DOCK2: variants seen among roughly 807,000 people sequenced by gnomAD.
The protein encoded by DOCK2 is dedicator of cytokinesis protein 2.
In DOCK2, 87 loss-of-function variants were observed where a neutral mutation model predicts 248.9. That is an observed-to-expected ratio of 0.35 (90% CI 0.29 to 0.42). The LOEUF (loss-of-function observed/expected upper bound fraction) is 0.42, where lower values mean the gene tolerates loss of function less well. Ranked by LOEUF, DOCK2 falls within the 10% of genes least tolerant of loss-of-function variation. The pLI, the probability that DOCK2 is intolerant of heterozygous loss-of-function variation, is 1.00. For synonymous variants in DOCK2, 805 were observed against 821.6 expected (o/e 0.98, Z 0.35); for missense variants, 1,747 against 2,300.2 (o/e 0.76, Z 4.92).
At chr5:169,826,998 A>G (rs1196018622) in intron 26 of DOCK2, among the ~76,000 whole-genome samples, 1 of 145,604 alleles carries the variant, frequency 6.9e-6, no homozygotes, top group Non-Finnish European at 1.5e-5. Context: ...CTCAGAATCC[A>G]GGACAGAGCG....
At chr5:170,008,845 G>A in intron 32 of DOCK2, 99 bp downstream of exon 32, 1 of 1,394,494 alleles carries the variant, frequency 7.2e-7, no homozygotes, top group Non-Finnish European at 1.0e-6. Flanking sequence ...AGCAGTGGGA[G>A]CATGAAATAA....
intron 3 of DOCK2, among the ~76,000 whole-genome samples, chr5:169,669,694 C>A (rs557936641): frequency 6.6e-6 from 1 of 152,204 alleles, no homozygotes; most frequent in South Asian, 2.1e-4. Context: ...ATCCGTATAC[C>A]CAGGTCAACA....
chr5:169,950,488 G>A (rs1776615845), intron 27 of DOCK2, among the ~76,000 whole-genome samples: 1 of 152,170 alleles, frequency 6.6e-6, no homozygotes, highest in Non-Finnish European at 1.5e-5. Context: ...GTGAACCAGG[G>A]TTGAGAGGCT....
intron 25 of DOCK2, among the ~76,000 whole-genome samples, chr5:169,777,430 A>G (rs945472005): frequency 3.3e-5 from 5 of 152,196 alleles, no homozygotes; most frequent in African/African-American, 1.2e-4. Flanking sequence ...TGAGCATGCC[A>G]CCATCCAGGC....
intron 29 of DOCK2, among the ~76,000 whole-genome samples, chr5:169,988,300 T>C (rs921507431): frequency 2.6e-5 from 4 of 152,084 alleles, no homozygotes; most frequent in African/African-American, 4.8e-5. Flanking sequence ...GATCCATCAC[T>C]GTTGCAAAGG....
intron 5 of DOCK2, among the ~76,000 whole-genome samples, chr5:169,672,619 G>A (rs4867877): frequency 0.064 from 9,742 of 152,064 alleles, 366 homozygotes; most frequent in Middle Eastern, 0.12. Context: ...TCAGTTCAAC[G>A]CTGACTACCC....
intron 33 of DOCK2, among the ~76,000 whole-genome samples, chr5:170,021,264 C>T (rs946317423): frequency 6.6e-6 from 1 of 152,254 alleles, no homozygotes; most frequent in African/African-American, 2.4e-5. Context: ...GAATTTGCTG[C>T]CTTTTAAGTG....
chr5:169,996,227 G>T, intron 30 of DOCK2, 63 bp downstream of exon 30: 1 of 1,541,118 alleles, frequency 6.5e-7, no homozygotes, highest in East Asian at 2.3e-5. Context: ...ATTCTGGGCT[G>T]ATTGCTCCAT....
intron 23 of DOCK2, 76 bp from the exon 24 acceptor site, chr5:169,759,629 G>A: frequency 2.7e-6 from 4 of 1,492,340 alleles, no homozygotes; most frequent in Non-Finnish European, 3.7e-6. Context: ...TCTGTGTCAT[G>A]CTGCAAAGTA....
chr5:170,019,156 C>T, intron 33 of DOCK2, 48 bp downstream of exon 33: 6 of 1,612,064 alleles, frequency 3.7e-6, no homozygotes, highest in Non-Finnish European at 5.1e-6. Flanking sequence ...AATCCCCAGC[C>T]CATTTCCCCA....
intron 26 of DOCK2, among the ~76,000 whole-genome samples, chr5:169,816,080 A>G (rs1430161293): frequency 6.6e-6 from 1 of 152,240 alleles, no homozygotes; most frequent in Non-Finnish European, 1.5e-5. Flanking sequence ...AAGCCCTCTC[A>G]GCAGCAGATA....
intron 27 of DOCK2, among the ~76,000 whole-genome samples, chr5:169,936,578 C>CTTTTT (rs4041977): frequency 1.5e-4 from 19 of 122,810 alleles, no homozygotes; most frequent in African/African-American, 5.1e-4. Context: ...TCTCAGACTC[C>CTTTTT]TTTTTTTTTT....
In DOCK2 at chr5:169,808,433, A is replaced by C. The variant is rs1114034; in HGVS notation, c.2703+5227A>C. Among the ~76,000 whole-genome samples, 4 of 151,846 alleles carry C rather than the reference A, an allele frequency of 2.6e-5. No individual in the cohort carries two copies. The East Asian group carries it at 5.8e-4, about 22-fold the overall frequency. On this transcript the variant is annotated intron_variant, in intron 26 of 51. Coordinates refer to ENST00000520908, the MANE Select transcript of DOCK2 (RefSeq NM_004946.3). Reference sequence around the variant, plus strand: ...AACCCTGGGTGTCATGGTAGGACTCAGGGGGAGATGTCTGCCTTAGCCTGG... The same window carrying C: ...AACCCTGGGTGTCATGGTAGGACTCCGGGGGAGATGTCTGCCTTAGCCTGG...
intron 27 of DOCK2, among the ~76,000 whole-genome samples, chr5:169,981,258 C>G (rs1218405117): frequency 6.6e-6 from 1 of 152,162 alleles, no homozygotes; most frequent in African/African-American, 2.4e-5. Context: ...ACTTAAGAAA[C>G]AGTTTTCCAA....
At chr5:170,065,690 C>T (rs1757466155) in intron 44 of DOCK2, among the ~76,000 whole-genome samples, 3 of 152,096 alleles carry the variant, frequency 2.0e-5, no homozygotes, top group Non-Finnish European at 4.4e-5. Context: ...AGGGAAATTC[C>T]CTTTAAAAAA....
intron 39 of DOCK2, among the ~76,000 whole-genome samples, chr5:170,047,265 A>G (rs1222461466): frequency 2.0e-5 from 3 of 152,196 alleles, no homozygotes; most frequent in Non-Finnish European, 4.4e-5. Context: ...GGAGATACTC[A>G]TGGGATTATT....
At chr5:170,001,237 C>G (rs1187079874) in intron 30 of DOCK2, among the ~76,000 whole-genome samples, 1 of 152,184 alleles carries the variant, frequency 6.6e-6, no homozygotes, top group African/African-American at 2.4e-5. Context: ...ATTTCAGCAC[C>G]ACTGCATGCT....
intron 33 of DOCK2, among the ~76,000 whole-genome samples, chr5:170,020,790 C>G (rs1755693860): frequency 6.6e-6 from 1 of 152,158 alleles, no homozygotes; most frequent in South Asian, 2.1e-4. Context: ...CAGTGCTTTC[C>G]CTAAATATGT....
intron 27 of DOCK2, among the ~76,000 whole-genome samples, chr5:169,973,154 T>G (rs1777589191): frequency 6.6e-6 from 1 of 152,232 alleles, no homozygotes. Flanking sequence ...GCTCTCTGGC[T>G]TGGTCACCCG....
Sources: allele counts gnomAD v4.1 joint callset (sites outside exome capture counted in the v4.1 genomes callset), GRCh38; gene constraint gnomAD v4.1.1; transcripts MANE v1.5; gene names NCBI Gene and HGNC (gene_info 2026-07-23, HGNC 2026-07-21).